SH3D19: variants seen among roughly 807,000 people sequenced by gnomAD.
SH3D19 encodes the protein SH3 domain-containing protein 19.
A neutral mutation model predicts 112.1 loss-of-function variants in SH3D19; 58 were observed. That is an observed-to-expected ratio of 0.52 (90% CI 0.42 to 0.64). The LOEUF (loss-of-function observed/expected upper bound fraction) is 0.64. Among genes scored for constraint, SH3D19 ranks in the 30% least tolerant of loss-of-function variants. The pLI, the probability that SH3D19 is intolerant of heterozygous loss-of-function variation, is 0.00. For synonymous variants in SH3D19, 391 were observed against 448.5 expected, an observed-to-expected ratio of 0.87 and a Z score of 1.62; for missense variants, 1,090 against 1,263.4, an observed-to-expected ratio of 0.86 and a Z score of 2.08.
At chr4:151,231,675 C>T (rs1463509724) in intron 1 of SH3D19, among the ~76,000 whole-genome samples, 2 of 152,174 alleles carry the variant, frequency 1.3e-5, no homozygotes, top group Non-Finnish European at 2.9e-5. Context: ...GTTACCACTG[C>T]AGGGGAGAAA....
intron 2 of SH3D19, among the ~76,000 whole-genome samples, chr4:151,215,682 G>T (rs1766947192): frequency 6.6e-6 from 1 of 152,188 alleles, no homozygotes; most frequent in South Asian, 2.1e-4. Flanking sequence ...ACTAAAATGA[G>T]ATTAGAAGTG....
chr4:151,277,322 G>C (rs969015221), intron 1 of SH3D19: 39 of 941,824 alleles, frequency 4.1e-5, no homozygotes, highest in Non-Finnish European at 5.5e-5. Flanking sequence ...TGGGATGTTA[G>C]TTATGAGTAG....
intron 2 of SH3D19, among the ~76,000 whole-genome samples, chr4:151,193,266 GTTTGT>G (rs1762923977): frequency 6.9e-6 from 1 of 145,604 alleles, no homozygotes; most frequent in African/African-American, 2.5e-5. Flanking sequence ...TTTAAAATAG[GTTTGT>G]TTTTTTTTTT....
At chr4:151,165,502 T>C in intron 8 of SH3D19, 87 bp downstream of exon 8, 1 of 1,080,104 alleles carries the variant, frequency 9.3e-7, no homozygotes, top group South Asian at 1.5e-5. Context: ...AGATTATACA[T>C]AATTTCAAAA....
chr4:151,302,678 G>C (rs993186636), intron 1 of SH3D19, among the ~76,000 whole-genome samples: 8 of 152,120 alleles, frequency 5.3e-5, no homozygotes, highest in Non-Finnish European at 1.2e-4. Flanking sequence ...CTGGGCTCTG[G>C]GTCTAAATCT....
At chr4:151,272,848 G>A (rs968609846) in intron 1 of SH3D19, among the ~76,000 whole-genome samples, 1 of 151,570 alleles carries the variant, frequency 6.6e-6, no homozygotes, top group African/African-American at 2.4e-5. Context: ...GTGATGCTAA[G>A]AGTGATCAGA....
chr4:151,214,398 G>T (rs1286978309), intron 2 of SH3D19, among the ~76,000 whole-genome samples: 1 of 83,026 alleles, frequency 1.2e-5, no homozygotes, highest in African/African-American at 3.1e-5. Flanking sequence ...CCTCCCAGAC[G>T]GGGTGGTGGC....
At chr4:151,260,024 T>C (rs896427490) in intron 1 of SH3D19, among the ~76,000 whole-genome samples, 6 of 152,228 alleles carry the variant, frequency 3.9e-5, no homozygotes, top group Non-Finnish European at 8.8e-5. Flanking sequence ...TCATCCATCT[T>C]TGTTTTTTTC....
intron 1 of SH3D19, among the ~76,000 whole-genome samples, chr4:151,284,970 C>T (rs960631630): frequency 1.3e-5 from 2 of 152,186 alleles, no homozygotes; most frequent in African/African-American, 4.8e-5. Flanking sequence ...TTTCCCTGCA[C>T]TTTCCAACTG....
At chr4:151,164,726 C>T (rs563295387) in intron 8 of SH3D19, among the ~76,000 whole-genome samples, 1 of 151,976 alleles carries the variant, frequency 6.6e-6, no homozygotes, top group South Asian at 2.1e-4. Context: ...ACTACAGGCG[C>T]GCAGCACCAC....
chr4:151,255,351 G>T (rs1364933679), intron 1 of SH3D19, among the ~76,000 whole-genome samples: 1 of 151,154 alleles, frequency 6.6e-6, no homozygotes, highest in African/African-American at 2.4e-5. Flanking sequence ...CCCAGACAGG[G>T]TCGCGGCCGG....
rs987396758 is a variant in SH3D19, at chr4:151,163,967, G to A, written c.1642+1622C>T. Among the ~76,000 whole-genome samples the A allele has an allele frequency of 7.2e-5, 11 of 152,162 alleles. No homozygotes were observed. The South Asian group carries it at 8.3e-4, about 11-fold the overall frequency. On this transcript the variant is annotated intron_variant, in intron 8 of 19. Transcript: ENST00000604030. ...TCCTAAGAAACTAGAACCAGAATTT[G>A]ATACCTTAGATTTTTTTCTCCTCCA...
intron 1 of SH3D19, among the ~76,000 whole-genome samples, chr4:151,239,344 G>C (rs539077451): frequency 1.8e-4 from 28 of 152,246 alleles, no homozygotes; most frequent in African/African-American, 6.3e-4. Context: ...CGAATATACT[G>C]GTATGAGTCC....
intron 18 of SH3D19, 124 bp downstream of exon 18, chr4:151,128,046 G>T: frequency 1.4e-6 from 1 of 698,356 alleles, no homozygotes; most frequent in Non-Finnish European, 2.2e-6. Flanking sequence ...ATAACTTCAT[G>T]TATCAGCTCT....
At chr4:151,138,684 T>TCA (rs1491306799) in intron 13 of SH3D19, among the ~76,000 whole-genome samples, 5,226 of 135,848 alleles carry the variant, frequency 0.038, 223 homozygotes, top group Non-Finnish European at 0.057. Flanking sequence ...CAAGATCTTG[T>TCA]CTCACACACA....
intron 12 of SH3D19, among the ~76,000 whole-genome samples, chr4:151,141,333 C>T (rs1449462946): frequency 6.6e-6 from 1 of 152,152 alleles, no homozygotes; most frequent in African/African-American, 2.4e-5. Flanking sequence ...GCCACGTTGC[C>T]CAGGCTGGTC....
chr4:151,196,740 A>G (rs569422934), intron 2 of SH3D19, among the ~76,000 whole-genome samples: 41 of 152,264 alleles, frequency 2.7e-4, no homozygotes, highest in African/African-American at 9.1e-4. Flanking sequence ...CACAATCTAT[A>G]CATCCAACAA....
chr4:151,252,103 C>G (rs2149978583), intron 1 of SH3D19, among the ~76,000 whole-genome samples: 1 of 152,324 alleles, frequency 6.6e-6, no homozygotes, highest in East Asian at 1.9e-4. Context: ...GAGCTGGGAT[C>G]TGTCCCCTGC....
intron 1 of SH3D19, chr4:151,291,287 T>C: frequency 6.2e-7 from 1 of 1,614,010 alleles, no homozygotes; most frequent in Non-Finnish European, 8.5e-7. Context: ...AATCTAGACT[T>C]CTCTGACTTC....
Sources: gnomAD v4.1 joint callset for allele counts (sites outside exome capture counted in the v4.1 genomes callset) on GRCh38, gnomAD v4.1.1 for gene constraint, MANE v1.5 for transcripts, NCBI Gene and HGNC (gene_info 2026-07-23, HGNC 2026-07-21) for gene names.